Variants in CLPX observed in about 807,000 individuals in gnomAD.
CLPX encodes the protein ATP-dependent clpX-like chaperone, mitochondrial.
In CLPX, 34 loss-of-function variants were observed where a neutral mutation model predicts 76.4. That is an observed-to-expected ratio of 0.45 (90% CI 0.34 to 0.59). The LOEUF (loss-of-function observed/expected upper bound fraction) is 0.59. Ranked by LOEUF, CLPX falls within the 20% of genes least tolerant of loss-of-function variation. The probability of loss-of-function intolerance (pLI) is 0.01; values close to 1 mark genes in which losing one functional copy is unlikely to be tolerated. For missense variants in CLPX, 613 were observed against 757.0 expected (o/e 0.81, Z 2.23); for synonymous variants, 248 against 270.9 (o/e 0.92, Z 0.83).
chr15:65,155,223 A>C, intron 10 of CLPX, 142 bp from the exon 11 acceptor site: 1 of 843,206 alleles, frequency 1.2e-6, no homozygotes, highest in East Asian at 2.7e-5. Context: ...AAAGGAAAAA[A>C]ACAGGCTTAG....
intron 1 of CLPX, among the ~76,000 whole-genome samples, chr15:65,182,561 C>A (rs915337614): frequency 6.6e-6 from 1 of 152,170 alleles, no homozygotes; most frequent in African/African-American, 2.4e-5. Context: ...TGATTGATGA[C>A]AAATCCACAG....
At chr15:65,168,928 C>T (rs2087958787) in intron 3 of CLPX, among the ~76,000 whole-genome samples, 1 of 151,184 alleles carries the variant, frequency 6.6e-6, no homozygotes, top group African/African-American at 2.4e-5. Context: ...GTGATCACTA[C>T]TCACTGCAGT....
At chr15:65,164,949 C>G (rs1197892583) in intron 4 of CLPX, among the ~76,000 whole-genome samples, 1 of 152,022 alleles carries the variant, frequency 6.6e-6, no homozygotes, top group Non-Finnish European at 1.5e-5. Context: ...AGCTAAAGCT[C>G]TATTCTACAG....
Position 65,154,798 on chromosome 15 carries a change from A to G in CLPX, c.1595T>C (p.Leu532Ser). The change falls in exon 11 of 14, where the codon TTA becomes TCA. Residue 532 changes from leucine (L) to serine (S), a missense_variant. Transcript: ENST00000300107. ...RNAVIPQYQA[L>S]FSMDKCELNV... ...AAATCTAACCTTATCCATGCTGAAT[A>G]AGGCCTGGTACTGAGGAATAACAGC... is the stretch of plus-strand genomic sequence containing the variant. 1 of 1,609,628 alleles carries G rather than the reference A, an allele frequency of 6.2e-7. No individual in the cohort carries two copies. The highest frequency in any genetic ancestry group is 8.5e-7 in the Non-Finnish European group (1 of 1,176,120).
chr15:65,163,636 T>A (rs1050792988), intron 5 of CLPX, among the ~76,000 whole-genome samples: 1 of 152,138 alleles, frequency 6.6e-6, no homozygotes, highest in African/African-American at 2.4e-5. Flanking sequence ...TACAGCCATG[T>A]GCCACCCCAC....
At chr15:65,176,150 C>G (rs1025226882) in intron 3 of CLPX, among the ~76,000 whole-genome samples, 3 of 152,188 alleles carry the variant, frequency 2.0e-5, no homozygotes, top group African/African-American at 7.2e-5. Flanking sequence ...CACACTTGGT[C>G]TAACTAATAA....
intron 1 of CLPX, among the ~76,000 whole-genome samples, chr15:65,181,192 C>G (rs954969411): frequency 3.3e-5 from 5 of 150,996 alleles, no homozygotes; most frequent in Admixed American, 3.3e-4. Context: ...GAGGGAGACT[C>G]TGTCTCAAAA....
intron 3 of CLPX, among the ~76,000 whole-genome samples, chr15:65,175,567 C>T (rs982262881): frequency 6.6e-6 from 1 of 152,076 alleles, no homozygotes; most frequent in African/African-American, 2.4e-5. Flanking sequence ...ATGCACGGGA[C>T]CAGAAGTGTT....
At chr15:65,152,696 A>T (rs1399322137) in intron 12 of CLPX, among the ~76,000 whole-genome samples, 160 bp from the exon 13 acceptor site, 1 of 147,684 alleles carries the variant, frequency 6.8e-6, no homozygotes, top group Non-Finnish European at 1.5e-5. Context: ...TATATATATA[A>T]ACATATATAT....
intron 3 of CLPX, among the ~76,000 whole-genome samples, 154 bp from the exon 4 acceptor site, chr15:65,166,939 A>AC (rs2087922589): frequency 2.6e-5 from 4 of 152,248 alleles, no homozygotes; most frequent in Non-Finnish European, 4.4e-5. Flanking sequence ...TCATTTATAT[A>AC]GCAAGTATAC....
At position 65,156,774 on chromosome 15, in the gene CLPX, G is replaced by A; in HGVS notation, c.1146+70C>T. ...AATCTAATTGAATGTGAAACCAAAC[G>A]TACAATATTTGGGAGGTTGATGTAT... is the stretch of plus-strand genomic sequence containing the variant. On this transcript the variant is annotated intron_variant, in intron 9 of 13. Coordinates refer to ENST00000300107, the MANE Select transcript of CLPX (RefSeq NM_006660.5). The A allele has an allele frequency of 5.3e-6, 5 of 934,742 alleles. No individual in the cohort carries two copies. In the East Asian group the frequency reaches 7.3e-5, roughly 14 times the overall value. The allele number at this position is 934,742 out of a possible 1,614,324, so 57.9% of individuals were successfully genotyped here.
chr15:65,180,063 C>A lies in CLPX; in HGVS notation c.221G>T (p.Gly74Val). 1.2e-6 allele frequency: 2 copies of A among 1,605,540 alleles called. No homozygotes were observed. The highest frequency in any genetic ancestry group is 1.7e-6 in the Non-Finnish European group (2 of 1,175,612). ...FASKDGISKDGSGDGNKKSAS... is the reference protein window; with the variant it reads ...FASKDGISKDVSGDGNKKSAS... ...AATTACCTTATTTCCATCTCCAGAACCATCTTTACTTATCCCATCTTTTGA... is the reference window on the plus strand; with the variant it reads ...AATTACCTTATTTCCATCTCCAGAAACATCTTTACTTATCCCATCTTTTGA... The change falls in exon 2 of 14, where the codon GGT becomes GTT. Residue 74 changes from glycine to valine, a missense_variant. Transcript: ENST00000300107.
intron 2 of CLPX, among the ~76,000 whole-genome samples, chr15:65,179,642 T>C (rs1227067066): frequency 6.6e-6 from 1 of 152,146 alleles, no homozygotes; most frequent in Non-Finnish European, 1.5e-5. Flanking sequence ...AAATATGAAA[T>C]TTTTAGGCTA....
At chr15:65,154,573 AT>A in intron 11 of CLPX, 1 of 519,526 alleles carries the variant, frequency 1.9e-6, no homozygotes, top group Non-Finnish European at 3.4e-6. Flanking sequence ...TTAGGCTATA[AT>A]GATGGTTTTA....
intron 7 of CLPX, 113 bp from the exon 8 acceptor site, chr15:65,158,023 A>C: frequency 2.4e-6 from 2 of 824,068 alleles, no homozygotes; most frequent in South Asian, 4.1e-5. Flanking sequence ...GTCAATTGCT[A>C]CATCCTTCCT....
chr15:65,158,785 C>A, intron 6 of CLPX, 34 bp from the exon 7 acceptor site: 1 of 1,514,514 alleles, frequency 6.6e-7, no homozygotes, highest in South Asian at 1.3e-5. Flanking sequence ...ACTTGAGCTT[C>A]ATTTGAATTT....
chr15:65,185,214 A>C lies in CLPX; in HGVS notation c.-61T>G. 7.1e-7 allele frequency: 1 copy of C among 1,406,114 alleles called. No homozygotes were observed. The highest frequency in any genetic ancestry group is 9.8e-7 in the Non-Finnish European group (1 of 1,021,720). 87.1% of individuals were successfully genotyped at this position (1,406,114 alleles called of 1,614,324 possible). ...GGACCTCCGGGTCACAGCGGCGTGAATCCTGCCCGCAAGGCGCGCTGACTC... is the reference window on the plus strand; with the variant it reads ...GGACCTCCGGGTCACAGCGGCGTGACTCCTGCCCGCAAGGCGCGCTGACTC... On this transcript the variant is annotated 5_prime_UTR_variant, in exon 1 of 14. Transcript: ENST00000300107.
chr15:65,151,924 A>T (rs2140608256), intron 13 of CLPX, among the ~76,000 whole-genome samples: 1 of 152,098 alleles, frequency 6.6e-6, no homozygotes, highest in Non-Finnish European at 1.5e-5. Flanking sequence ...ATCCAGCCCC[A>T]TTGCCTTTTT....
At chr15:65,155,210 TAC>T (rs1393860388) in intron 10 of CLPX, 129 bp from the exon 11 acceptor site, 2 of 887,522 alleles carry the variant, frequency 2.3e-6, no homozygotes, top group African/African-American at 3.4e-5. Context: ...ATTTACATTT[TAC>T]AAAGGAAAAA....
Sources: gnomAD v4.1 joint callset for allele counts (sites outside exome capture counted in the v4.1 genomes callset) on GRCh38, gnomAD v4.1.1 for gene constraint, MANE v1.5 for transcripts, NCBI Gene and HGNC (gene_info 2026-07-23, HGNC 2026-07-21) for gene names.